SAMD5: variants seen among roughly 807,000 people sequenced by gnomAD.
SAMD5 encodes sterile alpha motif domain-containing protein 5.
In SAMD5, 13 loss-of-function variants were observed where a neutral mutation model predicts 11.3. The observed-to-expected ratio is 1.15, with a 90% CI of 0.75 to 1.83. The LOEUF (loss-of-function observed/expected upper bound fraction) is 1.83. Among genes scored for constraint, SAMD5 ranks in the 40% most tolerant of loss-of-function variants. The pLI, the probability that SAMD5 is intolerant of heterozygous loss-of-function variation, is 0.00. For synonymous variants in SAMD5, 129 were observed against 111.3 expected (o/e 1.16, Z -1.00); for missense variants, 255 against 239.1 (o/e 1.07, Z -0.44).
the SAMD5 span, among the ~76,000 whole-genome samples, chr6:147,863,968 C>T: frequency 6.6e-6 from 1 of 151,632 alleles, no homozygotes; most frequent in Non-Finnish European, 1.5e-5. Flanking sequence ...CTCAGCGTCC[C>T]GAGTAGCTGG....
chr6:147,636,792 A>G (rs937769201), intron 1 of SAMD5, among the ~76,000 whole-genome samples: 2 of 152,230 alleles, frequency 1.3e-5, no homozygotes, highest in Non-Finnish European at 2.9e-5. Context: ...AGTTTGATCT[A>G]AACCCTTGAT....
chr6:147,946,682 C>T, the SAMD5 span, among the ~76,000 whole-genome samples: 27 of 152,298 alleles, frequency 1.8e-4, no homozygotes, highest in Non-Finnish European at 3.1e-4. Context: ...TTCTAGTGCA[C>T]AGTTTCTGCG....
chr6:147,722,029 T>C (rs1356130651), intron 1 of SAMD5, among the ~76,000 whole-genome samples: 1 of 152,238 alleles, frequency 6.6e-6, no homozygotes, highest in Non-Finnish European at 1.5e-5. Context: ...ATATGCTTGG[T>C]ATTATTTCCT....
At chr6:147,915,701 T>C in the SAMD5 span, among the ~76,000 whole-genome samples, 1 of 152,190 alleles carries the variant, frequency 6.6e-6, no homozygotes, top group African/African-American at 2.4e-5. Flanking sequence ...AGATTCTCTT[T>C]TTTCAAAGTA....
chr6:147,892,405 T>A, the SAMD5 span, among the ~76,000 whole-genome samples: 2 of 152,266 alleles, frequency 1.3e-5, no homozygotes, highest in East Asian at 3.8e-4. Flanking sequence ...AATTGTAGTA[T>A]GCATTGCAAA....
chr6:147,694,816 A>T (rs1373853321), intron 1 of SAMD5, among the ~76,000 whole-genome samples: 1 of 152,210 alleles, frequency 6.6e-6, no homozygotes, highest in Non-Finnish European at 1.5e-5. Flanking sequence ...ACACTGTTAT[A>T]AAAAATCACA....
At chr6:147,794,351 A>G in the SAMD5 span, among the ~76,000 whole-genome samples, 1 of 152,304 alleles carries the variant, frequency 6.6e-6, no homozygotes, top group East Asian at 1.9e-4. Flanking sequence ...TTTTCTCATT[A>G]CAAAAAGCCT....
chr6:147,822,678 T>C, the SAMD5 span, among the ~76,000 whole-genome samples: 2 of 152,226 alleles, frequency 1.3e-5, no homozygotes, highest in Non-Finnish European at 2.9e-5. Context: ...AAATATTTCC[T>C]ATAGGATTTG....
chr6:147,632,078 C>T (rs1010456742), intron 1 of SAMD5, among the ~76,000 whole-genome samples: 1 of 151,750 alleles, frequency 6.6e-6, no homozygotes, highest in African/African-American at 2.4e-5. Context: ...TGGGAGTGAC[C>T]GATGAGAAGG....
At chr6:147,632,805 A>G (rs943081026) in intron 1 of SAMD5, among the ~76,000 whole-genome samples, 1 of 152,248 alleles carries the variant, frequency 6.6e-6, no homozygotes, top group Non-Finnish European at 1.5e-5. Flanking sequence ...TTGTTAGATT[A>G]GTACTACTTA....
intron 1 of SAMD5, among the ~76,000 whole-genome samples, chr6:147,690,651 A>C (rs140081963): frequency 0.01 from 1,535 of 152,264 alleles, 25 homozygotes; most frequent in African/African-American, 0.036. Context: ...TGTCTCAAAA[A>C]ATAAATAAAT....
At chr6:147,842,651 T>G in the SAMD5 span, among the ~76,000 whole-genome samples, 2 of 152,158 alleles carry the variant, frequency 1.3e-5, no homozygotes, top group Non-Finnish European at 2.9e-5. Flanking sequence ...CAATAACATC[T>G]GACTCAGCCA....
the SAMD5 span, among the ~76,000 whole-genome samples, chr6:147,850,417 A>C: frequency 6.6e-6 from 1 of 152,192 alleles, no homozygotes; most frequent in Non-Finnish European, 1.5e-5. Context: ...ACTAGAGGAA[A>C]TACCATGTGA....
At chr6:147,756,451 G>T in the SAMD5 span, among the ~76,000 whole-genome samples, 14 of 152,112 alleles carry the variant, frequency 9.2e-5, no homozygotes, top group South Asian at 1.0e-3. Flanking sequence ...TTTTAAAAAC[G>T]TTTAAAAAGT....
the SAMD5 span, among the ~76,000 whole-genome samples, chr6:147,940,319 T>C: frequency 4.0e-5 from 6 of 151,634 alleles, no homozygotes; most frequent in East Asian, 3.9e-4. Context: ...TAACATAATG[T>C]AGTTTAGGGG....
the SAMD5 span, among the ~76,000 whole-genome samples, chr6:147,758,279 A>G: frequency 6.6e-6 from 1 of 152,212 alleles, no homozygotes; most frequent in Non-Finnish European, 1.5e-5. Context: ...ACAGACTCTG[A>G]GTTGCAGCAC....
At chr6:147,860,445 T>C in the SAMD5 span, among the ~76,000 whole-genome samples, 1 of 152,244 alleles carries the variant, frequency 6.6e-6, no homozygotes, top group African/African-American at 2.4e-5. Flanking sequence ...AATATCTTAG[T>C]GACTCCATTG....
intron 1 of SAMD5, among the ~76,000 whole-genome samples, chr6:147,554,833 T>C (rs1162446879): frequency 6.6e-6 from 1 of 152,208 alleles, no homozygotes; most frequent in African/African-American, 2.4e-5. Context: ...TACCTTAACT[T>C]CTTGTATCCA....
the SAMD5 span, among the ~76,000 whole-genome samples, chr6:147,751,249 G>A: frequency 1.8e-4 from 27 of 152,174 alleles, no homozygotes; most frequent in African/African-American, 6.0e-4. Context: ...ACTCCCCCTT[G>A]CTCTACAATA....
Sources: gnomAD v4.1 joint callset for allele counts (sites outside exome capture counted in the v4.1 genomes callset) on GRCh38, gnomAD v4.1.1 for gene constraint, MANE v1.5 for transcripts, NCBI Gene and HGNC (gene_info 2026-07-23, HGNC 2026-07-21) for gene names.